DCDC2C: variants seen among roughly 807,000 people sequenced by gnomAD.
The protein encoded by DCDC2C is doublecortin domain containing 2C, also known as doublecortin domain-containing protein 2C.
DCDC2C carries 44 observed loss-of-function variants against 45.0 expected under a neutral mutation model. That is an observed-to-expected ratio of 0.98 (90% CI 0.77 to 1.26). The LOEUF (loss-of-function observed/expected upper bound fraction) is 1.26. DCDC2C is among the 50% of genes most tolerant of loss of function. DCDC2C has a pLI of 0.00. For missense variants in DCDC2C, 447 were observed against 468.9 expected (o/e 0.95, Z 0.43); for synonymous variants, 187 against 178.8 (o/e 1.05, Z -0.37).
At chr2:3,745,271 C>T (rs1460929602) in intron 4 of DCDC2C, among the ~76,000 whole-genome samples, 2 of 152,168 alleles carry the variant, frequency 1.3e-5, no homozygotes, top group Non-Finnish European at 2.9e-5. Context: ...TGGGCATGAG[C>T]CACTGCACCC....
intron 8 of DCDC2C, among the ~76,000 whole-genome samples, chr2:3,777,608 A>G (rs369596745): frequency 9.2e-5 from 14 of 152,316 alleles, no homozygotes; most frequent in Admixed American, 2.6e-4. Context: ...TGGTTTGAGC[A>G]CTCACCATAG....
intron 8 of DCDC2C, among the ~76,000 whole-genome samples, chr2:3,771,480 A>G (rs1004582150): frequency 6.6e-6 from 1 of 151,838 alleles, no homozygotes; most frequent in Non-Finnish European, 1.5e-5. Context: ...CCTTGGGGGA[A>G]TCACGGTGCA....
intron 10 of DCDC2C, among the ~76,000 whole-genome samples, chr2:3,811,513 T>C (rs887819708): frequency 6.6e-6 from 1 of 152,326 alleles, no homozygotes; most frequent in South Asian, 2.1e-4. Context: ...TATACAGTCA[T>C]GTCATCTGCA....
intron 10 of DCDC2C, among the ~76,000 whole-genome samples, chr2:3,841,475 A>G (rs1672213176): frequency 6.9e-6 from 1 of 144,058 alleles, no homozygotes; most frequent in Non-Finnish European, 1.5e-5. Context: ...TTAATTCTGC[A>G]CATTCTAATT....
intron 10 of DCDC2C, among the ~76,000 whole-genome samples, chr2:3,838,664 G>A (rs753654589): frequency 1.6e-4 from 24 of 152,170 alleles, no homozygotes; most frequent in Admixed American, 1.2e-3. Flanking sequence ...GTGCAAGAAC[G>A]GCCCCTACCC....
intron 10 of DCDC2C, among the ~76,000 whole-genome samples, chr2:3,829,223 C>T (rs114815745): frequency 0.01 from 1,547 of 151,640 alleles, 18 homozygotes; most frequent in African/African-American, 0.03. Flanking sequence ...CCTGAGAATC[C>T]GGATGCATAG....
Position 3,761,846 on chromosome 2 carries a change from C to A in DCDC2C, c.727-5908C>A, listed in dbSNP as rs944682424. Among the ~76,000 whole-genome samples the A allele has an allele frequency of 1.3e-5, 2 of 152,212 alleles. No individual in the cohort carries two copies. The highest frequency in any genetic ancestry group is 4.8e-5 in the African/African-American group (2 of 41,450). On this transcript the variant is annotated intron_variant, in intron 6 of 10. Coordinates refer to ENST00000399143, the MANE Select transcript of DCDC2C (RefSeq NM_001287444.2). This position sits in a 1 kb window ranked among gnomAD's most constrained non-coding sequence, Gnocchi z 4.3. ...CTGCCTTTTGTGTGCCTGAGCTAGACAATCTCTTATAATAGCATTAAAATA... is the reference window on the plus strand; with the variant it reads ...CTGCCTTTTGTGTGCCTGAGCTAGAAAATCTCTTATAATAGCATTAAAATA...
chr2:3,847,147 CT>C lies in DCDC2C; in HGVS notation c.1066-5del. On this transcript the variant is annotated splice_region_variant and splice_polypyrimidine_tract_variant and intron_variant, in intron 10 of 10. Coordinates refer to ENST00000399143, the MANE Select transcript of DCDC2C (RefSeq NM_001287444.2). ...TCTCTGTTAACCTGCTTTTCTATGTCTTCCAGATGGCCCGGGAGTGGAAACC... is the reference window on the plus strand; with the variant it reads ...TCTCTGTTAACCTGCTTTTCTATGTCTCCAGATGGCCCGGGAGTGGAAACC... The C allele has an allele frequency of 8.1e-7, 1 of 1,231,552 alleles. No homozygotes were observed. The highest frequency in any genetic ancestry group is 1.0e-6 in the Non-Finnish European group (1 of 987,850). 76.3% of individuals were successfully genotyped at this position (1,231,552 alleles called of 1,614,324 possible). A position where few individuals can be genotyped will look rare whatever the true frequency, so the allele number is the denominator to read the frequency against.
chr2:3,751,597 G>A (rs1274983091), intron 4 of DCDC2C, among the ~76,000 whole-genome samples: 1 of 152,220 alleles, frequency 6.6e-6, no homozygotes, highest in East Asian at 1.9e-4. Context: ...CTGCAGTGGG[G>A]CCCAGAACTC....
At chr2:3,722,163 C>A (rs953768711) in intron 2 of DCDC2C, among the ~76,000 whole-genome samples, 3 of 152,174 alleles carry the variant, frequency 2.0e-5, no homozygotes, top group African/African-American at 7.2e-5. Flanking sequence ...GGAGGTTATA[C>A]AACTTGATCA....
At chr2:3,749,895 A>G (rs1669487724) in intron 4 of DCDC2C, among the ~76,000 whole-genome samples, 1 of 152,228 alleles carries the variant, frequency 6.6e-6, no homozygotes, top group Non-Finnish European at 1.5e-5. Flanking sequence ...TGCTGCTGGA[A>G]GGAAAACCCG....
At chr2:3,824,690 G>C (rs1671773436) in intron 10 of DCDC2C, among the ~76,000 whole-genome samples, 1 of 150,156 alleles carries the variant, frequency 6.7e-6, no homozygotes, top group South Asian at 2.1e-4. Context: ...TTCAGCTCTA[G>C]GTTTCTCTTC....
intron 10 of DCDC2C, among the ~76,000 whole-genome samples, chr2:3,809,263 A>C (rs1349812194): frequency 2.0e-5 from 3 of 152,134 alleles, no homozygotes; most frequent in Non-Finnish European, 2.9e-5. Flanking sequence ...GTGACTTGTC[A>C]ATTTCTGTAG....
At chr2:3,806,491 A>G (rs188431668) in intron 10 of DCDC2C, among the ~76,000 whole-genome samples, 22 of 151,626 alleles carry the variant, frequency 1.5e-4, no homozygotes, top group Admixed American at 5.9e-4. Flanking sequence ...TGAAATCCTC[A>G]TTGACAAAGT....
At chr2:3,778,746 C>T (rs911679909) in intron 8 of DCDC2C, 70 bp from the exon 9 acceptor site, 98 of 1,446,222 alleles carry the variant, frequency 6.8e-5, no homozygotes, top group African/African-American at 9.9e-5. Context: ...CACTATTTCA[C>T]GTGCTCTCTG....
chr2:3,717,485 C>T (rs1031029630), intron 2 of DCDC2C, among the ~76,000 whole-genome samples: 1 of 140,180 alleles, frequency 7.1e-6, no homozygotes, highest in Non-Finnish European at 1.6e-5. Flanking sequence ...ACCTCCTGAT[C>T]GTCTCTGGAG....
chr2:3,762,814 CT>C (rs1188595554), intron 6 of DCDC2C, among the ~76,000 whole-genome samples: 1 of 152,096 alleles, frequency 6.6e-6, no homozygotes, highest in Non-Finnish European at 1.5e-5. Flanking sequence ...TGAGTTGGGT[CT>C]TGGAGGATGT....
chr2:3,753,398 A>G (rs949685253), intron 5 of DCDC2C, among the ~76,000 whole-genome samples: 10 of 152,176 alleles, frequency 6.6e-5, no homozygotes, highest in African/African-American at 2.4e-4. Flanking sequence ...TGAAGCAGTG[A>G]CCAGGAGGGA....
At chr2:3,736,715 A>G (rs1489652553) in intron 3 of DCDC2C, among the ~76,000 whole-genome samples, 2 of 152,166 alleles carry the variant, frequency 1.3e-5, no homozygotes, top group Non-Finnish European at 2.9e-5. Flanking sequence ...TGTACATTGT[A>G]TATTTTCCAA....
Sources: gnomAD v4.1 joint callset for allele counts (sites outside exome capture counted in the v4.1 genomes callset) on GRCh38, gnomAD v4.1.1 for gene constraint, Gnocchi (gnomAD v3.1) non-coding constraint, MANE v1.5 for transcripts, NCBI Gene and HGNC (gene_info 2026-07-23, HGNC 2026-07-21) for gene names.